The following NTRK3 variants were observed in gnomAD, a reference collection of about 807,000 sequenced individuals.
NTRK3 encodes neurotrophic receptor tyrosine kinase 3.
Under a neutral mutation model 91.7 loss-of-function variants are expected in NTRK3, and 24 were observed. The observed-to-expected ratio is 0.26, with a 90% CI of 0.19 to 0.37. The LOEUF is 0.37. NTRK3 is among the 10% of genes least tolerant of loss of function. The pLI, the probability that NTRK3 is intolerant of heterozygous loss-of-function variation, is 1.00. For synonymous variants in NTRK3, 483 were observed against 404.0 expected, an observed-to-expected ratio of 1.20 and a Z score of -2.34; for missense variants, 880 against 1,068.9, an observed-to-expected ratio of 0.82 and a Z score of 2.46.
exon 19 of NTRK3, chr15:87,873,856 G>A (rs897825048): frequency 3.0e-5 from 7 of 231,592 alleles, no homozygotes; most frequent in African/African-American, 1.5e-4. Context: ...AAGAAGGAGA[G>A]GAGTGTCTTA....
chr15:88,065,884 ACAT>A (rs2046607515), intron 13 of NTRK3, among the ~76,000 whole-genome samples: 1 of 152,198 alleles, frequency 6.6e-6, no homozygotes, highest in South Asian at 2.1e-4. Context: ...CTCATGAATC[ACAT>A]CATCATAAGC....
intron 13 of NTRK3, among the ~76,000 whole-genome samples, chr15:88,094,434 A>T (rs1230066635): frequency 2.1e-5 from 3 of 140,590 alleles, no homozygotes; most frequent in African/African-American, 7.9e-5. Context: ...GCGCCACTGC[A>T]GTCCGCAGTC....
At chr15:88,067,166 G>A (rs536566610) in intron 13 of NTRK3, among the ~76,000 whole-genome samples, 7 of 152,272 alleles carry the variant, frequency 4.6e-5, no homozygotes, top group Middle Eastern at 3.4e-3. Flanking sequence ...CATGCAACAC[G>A]TGGTGCTGAG....
intron 3 of NTRK3, among the ~76,000 whole-genome samples, chr15:88,244,415 G>A (rs1467765719): frequency 6.6e-6 from 1 of 152,212 alleles, no homozygotes; most frequent in African/African-American, 2.4e-5. Context: ...CAAGCAAGGA[G>A]GAGGGCAAGG....
At chr15:88,055,677 G>C (rs917438731) in intron 13 of NTRK3, among the ~76,000 whole-genome samples, 1 of 152,074 alleles carries the variant, frequency 6.6e-6, no homozygotes, top group Non-Finnish European at 1.5e-5. Context: ...AATTGCCCAA[G>C]TTCACTCAAT....
chr15:87,994,720 A>G (rs1257753108), intron 14 of NTRK3, among the ~76,000 whole-genome samples: 1 of 152,236 alleles, frequency 6.6e-6, no homozygotes, highest in African/African-American at 2.4e-5. Context: ...ATTTGGCAGG[A>G]ACATAAGGCA....
intron 13 of NTRK3, among the ~76,000 whole-genome samples, chr15:88,048,569 TG>T (rs1267967895): frequency 2.0e-5 from 3 of 152,190 alleles, no homozygotes; most frequent in Non-Finnish European, 4.4e-5. Context: ...AAGAAGCCTT[TG>T]GCCCCACACC....
At chr15:88,117,396 G>A (rs553350333) in intron 13 of NTRK3, among the ~76,000 whole-genome samples, 1 of 152,330 alleles carries the variant, frequency 6.6e-6, no homozygotes, top group South Asian at 2.1e-4. Context: ...ATGATTAGAA[G>A]TGAAAAACCA....
intron 14 of NTRK3, among the ~76,000 whole-genome samples, chr15:87,973,802 C>T (rs1026051872): frequency 1.3e-5 from 2 of 152,138 alleles, no homozygotes; most frequent in African/African-American, 4.8e-5. Flanking sequence ...ACAGAGAAGA[C>T]TCCAAGCAGC....
At chr15:87,952,713 C>T (rs1313835300) in intron 14 of NTRK3, among the ~76,000 whole-genome samples, 1 of 152,198 alleles carries the variant, frequency 6.6e-6, no homozygotes, top group Non-Finnish European at 1.5e-5. Context: ...GTCTCTGAAG[C>T]CCACCCTCCG....
At chr15:88,057,764 T>C (rs970342106) in intron 13 of NTRK3, among the ~76,000 whole-genome samples, 2 of 152,208 alleles carry the variant, frequency 1.3e-5, no homozygotes, top group Admixed American at 6.5e-5. Flanking sequence ...GCTGCACCCA[T>C]AGCCTCTTGC....
chr15:88,135,658 A>G (rs1399615626), intron 9 of NTRK3, among the ~76,000 whole-genome samples: 2 of 152,208 alleles, frequency 1.3e-5, no homozygotes, highest in Non-Finnish European at 2.9e-5. Flanking sequence ...CCAACTTAGA[A>G]GTGTCCTGAA....
rs895417152 is a variant in NTRK3, at chr15:87,940,486, C to A, written c.1716+137G>T. The stretch of plus-strand genomic sequence containing the variant: ...TTTGGTCCCTAGGAAACTTCATTGA[C>A]CTCGGAGCAAAGTCCTTTGATTGCA... On this transcript the variant is annotated intron_variant, in intron 15 of 18. Coordinates refer to ENST00000394480, the Ensembl canonical transcript of NTRK3. 13 of 1,403,458 alleles carry A rather than the reference C, an allele frequency of 9.3e-6. No homozygotes were observed. In the East Asian group the frequency reaches 2.3e-4, roughly 25 times the overall value. 86.9% of individuals were successfully genotyped at this position (1,403,458 alleles called of 1,614,324 possible).
At chr15:87,991,497 AC>A (rs1340584900) in intron 14 of NTRK3, among the ~76,000 whole-genome samples, 1 of 152,164 alleles carries the variant, frequency 6.6e-6, no homozygotes, top group East Asian at 1.9e-4. Flanking sequence ...TATCTCCAGC[AC>A]AAACTTTCTT....
chr15:88,061,572 C>G (rs1282220218), intron 13 of NTRK3, among the ~76,000 whole-genome samples: 4 of 152,264 alleles, frequency 2.6e-5, no homozygotes, highest in African/African-American at 9.6e-5. Flanking sequence ...TGTGGCATGC[C>G]TGGCTGGAGA....
chr15:88,148,282 T>A (rs185731386), intron 5 of NTRK3, among the ~76,000 whole-genome samples: 4 of 152,356 alleles, frequency 2.6e-5, no homozygotes, highest in Admixed American at 1.3e-4. Context: ...TTGGATGACT[T>A]CTACAACAAA....
intron 13 of NTRK3, among the ~76,000 whole-genome samples, chr15:88,048,614 A>T (rs1488176413): frequency 2.0e-5 from 3 of 152,100 alleles, no homozygotes; most frequent in African/African-American, 7.2e-5. Context: ...CAATAGTAGG[A>T]TTTTGCTCTC....
rs112911556 is a variant in NTRK3, at chr15:88,066,401, G to A, written c.1397-33356C>T. Among the ~76,000 whole-genome samples, 489 of 152,280 alleles carry A rather than the reference G, an allele frequency of 3.2e-3. 6 individuals carry two copies. Among genetic ancestry groups the A allele is most frequent in the East Asian group, 0.03 (155 of 5,158 alleles). On this transcript the variant is annotated intron_variant, in intron 13 of 18. Transcript: ENST00000394480. Reference sequence around the variant, plus strand: ...TGATTGCAGATCCCCTTCCTACTCAGTTGTTTCAATAAAGAGCTGAAAGCC... The same window carrying A: ...TGATTGCAGATCCCCTTCCTACTCAATTGTTTCAATAAAGAGCTGAAAGCC...
At chr15:88,142,500 G>A (rs980689363) in intron 6 of NTRK3, among the ~76,000 whole-genome samples, 8 of 152,146 alleles carry the variant, frequency 5.3e-5, no homozygotes, top group Admixed American at 2.0e-4. Flanking sequence ...GATTCCCTCC[G>A]GTCATCACTC....
Sources: allele counts gnomAD v4.1 joint callset (sites outside exome capture counted in the v4.1 genomes callset), GRCh38; gene constraint gnomAD v4.1.1; transcripts MANE v1.5; gene names NCBI Gene and HGNC (gene_info 2026-07-23, HGNC 2026-07-21).